The following CD2AP variants were observed in gnomAD, a reference collection of about 807,000 sequenced individuals.
The protein encoded by CD2AP is CD2 associated protein, also known as CD2-associated protein.
In CD2AP, 46 loss-of-function variants were observed where a neutral mutation model predicts 85.1. The ratio of observed to expected loss-of-function variants is 0.54; its 90% confidence interval spans 0.43 to 0.69. CD2AP has a LOEUF of 0.69. Among genes scored for constraint, CD2AP ranks in the 30% least tolerant of loss-of-function variants. The probability of loss-of-function intolerance (pLI) is 0.00; values close to 1 mark genes in which losing one functional copy is unlikely to be tolerated. For missense variants in CD2AP, 769 were observed against 729.5 expected (o/e 1.05, Z -0.62); for synonymous variants, 255 against 252.9 (o/e 1.01, Z -0.08).
At chr6:47,607,489 A>T (rs535242974) in intron 14 of CD2AP, among the ~76,000 whole-genome samples, 1 of 151,984 alleles carries the variant, frequency 6.6e-6, no homozygotes, top group Non-Finnish European at 1.5e-5. Flanking sequence ...TTGGATAAAA[A>T]CCATTTTAAT....
chr6:47,531,076 G>T (rs1457138208), intron 2 of CD2AP, among the ~76,000 whole-genome samples: 3 of 151,908 alleles, frequency 2.0e-5, no homozygotes, highest in Admixed American at 2.0e-4. Flanking sequence ...ATAGCAAGAT[G>T]CTATCTCTAC....
rs928920231 is a variant in CD2AP at position 47,582,064 on chromosome 6, G to C, written c.1107G>C (p.Lys369Asn). ...ATTTTTCTTTAAAGCCTGAAGAAAA[G>C]GGTGAGGCTAATTTTCAACTTTCAA... ...KKYFSLKPEEKDEKSTLEQKP... is the reference protein window; with the variant it reads ...KKYFSLKPEENDEKSTLEQKP... Residue 369 changes from lysine to asparagine, a missense_variant and splice_region_variant, in exon 11 of 18, where the codon AAG becomes AAC. Lys to Asn is a moderately conservative substitution (Grantham distance 94). Transcript: ENST00000359314. The C allele has an allele frequency of 1.3e-6, 2 of 1,577,458 alleles. No homozygotes were observed. Among genetic ancestry groups the C allele is most frequent in the Non-Finnish European group, 1.7e-6 (2 of 1,146,862 alleles).
chr6:47,565,593 A>G (rs1767970765), intron 5 of CD2AP, among the ~76,000 whole-genome samples: 1 of 151,980 alleles, frequency 6.6e-6, no homozygotes, highest in African/African-American at 2.4e-5. Context: ...TTCCTGCTCC[A>G]TGTAATCTTC....
intron 2 of CD2AP, among the ~76,000 whole-genome samples, chr6:47,526,735 T>C (rs1452202278): frequency 5.3e-5 from 8 of 152,150 alleles, no homozygotes; most frequent in Non-Finnish European, 1.2e-4. Context: ...GAACAGGATT[T>C]GAATAGTAAG....
At chr6:47,495,406 CAG>C (rs1340807110) in intron 1 of CD2AP, among the ~76,000 whole-genome samples, 3 of 152,124 alleles carry the variant, frequency 2.0e-5, no homozygotes, top group African/African-American at 4.8e-5. Context: ...AGTGATTCTT[CAG>C]AGTCTCCAGA....
chr6:47,510,014 T>G (rs899587075), intron 2 of CD2AP, among the ~76,000 whole-genome samples: 1 of 152,250 alleles, frequency 6.6e-6, no homozygotes, highest in Non-Finnish European at 1.5e-5. Flanking sequence ...AAATTTTTCT[T>G]TCCTGTTTCA....
chr6:47,508,534 C>CTTTTTTTTTTGTTTTTTTT (rs1766235203), intron 2 of CD2AP, among the ~76,000 whole-genome samples: 2 of 129,408 alleles, frequency 1.5e-5, no homozygotes, highest in Non-Finnish European at 3.2e-5. Context: ...TTCTTTCTTT[C>CTTTTTTTTTTGTTTTTTTT]TTTTTTTTTT....
chr6:47,606,156 A>G lies in CD2AP; in HGVS notation c.1418-9A>G. On this transcript the variant is annotated splice_polypyrimidine_tract_variant and intron_variant, in intron 13 of 17. Transcript: ENST00000359314. ...CTCTTAGTAAATAATGTTTATTTTT[A>G]TTTTCTAGATGTTGTAAATTTTGAT... 1.4e-6 allele frequency: 2 copies of G among 1,386,466 alleles called. No homozygotes were observed. The highest frequency in any genetic ancestry group is 2.1e-6 in the Non-Finnish European group (2 of 973,434). 85.9% of individuals were successfully genotyped at this position (1,386,466 alleles called of 1,614,324 possible). A position where few individuals can be genotyped will look rare whatever the true frequency, so the allele number is the denominator to read the frequency against.
intron 16 of CD2AP, among the ~76,000 whole-genome samples, chr6:47,611,071 T>G (rs1582623854): frequency 6.9e-6 from 1 of 144,552 alleles, no homozygotes; most frequent in Non-Finnish European, 1.5e-5. Flanking sequence ...AATGGCAGGT[T>G]TTTTTTTTTT....
At chr6:47,557,044 G>A (rs547741577) in intron 5 of CD2AP, among the ~76,000 whole-genome samples, 5 of 152,200 alleles carry the variant, frequency 3.3e-5, no homozygotes, top group East Asian at 3.9e-4. Flanking sequence ...GTAGCTCATC[G>A]TGATTTTGAT....
intron 2 of CD2AP, among the ~76,000 whole-genome samples, chr6:47,510,880 C>A (rs1411757154): frequency 6.6e-6 from 1 of 151,824 alleles, no homozygotes; most frequent in Non-Finnish European, 1.5e-5. Flanking sequence ...CGAGACCATC[C>A]TGGCCAACAT....
chr6:47,547,984 T>C (rs2114051349), intron 4 of CD2AP, among the ~76,000 whole-genome samples: 1 of 152,218 alleles, frequency 6.6e-6, no homozygotes, highest in Non-Finnish European at 1.5e-5. Flanking sequence ...TGAACGACAA[T>C]AGTGACACAC....
rs1214945178 is a variant in CD2AP, at chr6:47,529,212, C to T, written c.166-4390C>T. ...CCCCCCCCCCCCCCAACTTATTGCACTATGGCAGCATCTCATCTTCTGTTA... is the reference window on the plus strand; with the variant it reads ...CCCCCCCCCCCCCCAACTTATTGCATTATGGCAGCATCTCATCTTCTGTTA... On this transcript the variant is annotated intron_variant, in intron 2 of 17. Coordinates refer to ENST00000359314, the MANE Select transcript of CD2AP (RefSeq NM_012120.3). 3.6e-5 allele frequency among the ~76,000 whole-genome samples: 4 copies of T among 111,674 alleles called. No individual in the cohort carries two copies. In the Admixed American group the frequency reaches 5.2e-4, roughly 15 times the overall value. 73.3% of individuals were successfully genotyped at this position (111,674 alleles called of 152,430 possible).
intron 5 of CD2AP, among the ~76,000 whole-genome samples, chr6:47,557,011 G>A (rs549898757): frequency 6.6e-5 from 10 of 152,110 alleles, no homozygotes; most frequent in South Asian, 2.1e-4. Flanking sequence ...TTTAATGATC[G>A]CCATTCTAAC....
chr6:47,500,631 C>T (rs190980488), intron 1 of CD2AP, among the ~76,000 whole-genome samples: 29 of 152,268 alleles, frequency 1.9e-4, no homozygotes, highest in Admixed American at 1.6e-3. Flanking sequence ...CATCTTTTTT[C>T]TCCTCCACGT....
At chr6:47,552,102 C>CTT (rs1293190446) in intron 4 of CD2AP, among the ~76,000 whole-genome samples, 1 of 151,996 alleles carries the variant, frequency 6.6e-6, no homozygotes, top group Admixed American at 6.6e-5. Context: ...TTACAGCCAT[C>CTT]TAAGTCTGAA....
At chr6:47,608,322 A>G (rs895704595) in intron 15 of CD2AP, among the ~76,000 whole-genome samples, 14 of 152,174 alleles carry the variant, frequency 9.2e-5, no homozygotes, top group African/African-American at 3.4e-4. Context: ...AAGGTCAGGA[A>G]TGAACACTTG....
chr6:47,601,935 C>T (rs955065962), intron 13 of CD2AP, among the ~76,000 whole-genome samples: 3 of 151,816 alleles, frequency 2.0e-5, no homozygotes, highest in African/African-American at 7.3e-5. Context: ...TTTCCCTTAA[C>T]TAACAATGGA....
intron 2 of CD2AP, among the ~76,000 whole-genome samples, chr6:47,518,930 A>C (rs906862159): frequency 6.6e-6 from 1 of 151,560 alleles, no homozygotes; most frequent in African/African-American, 2.4e-5. Context: ...ACACGGTAGT[A>C]CTGTGGCATA....
Sources: gnomAD v4.1 joint callset for allele counts (sites outside exome capture counted in the v4.1 genomes callset) on GRCh38, gnomAD v4.1.1 for gene constraint, MANE v1.5 for transcripts, NCBI Gene and HGNC (gene_info 2026-07-23, HGNC 2026-07-21) for gene names.